NLGN1: variants seen among roughly 807,000 people sequenced by gnomAD.
The protein encoded by NLGN1 is neuroligin-1.
Under a neutral mutation model 65.5 loss-of-function variants are expected in NLGN1, and 12 were observed. That is an observed-to-expected ratio of 0.18 (90% CI 0.12 to 0.30). The LOEUF is 0.30. NLGN1 is among the 10% of genes least tolerant of loss of function. The pLI, the probability that NLGN1 is intolerant of heterozygous loss-of-function variation, is 1.00. For synonymous variants in NLGN1, 350 were observed against 359.5 expected (o/e 0.97, Z 0.30); for missense variants, 750 against 1,007.1 (o/e 0.74, Z 3.46).
chr3:173,762,243 G>A (rs1462209530), intron 3 of NLGN1, among the ~76,000 whole-genome samples: 2 of 152,166 alleles, frequency 1.3e-5, no homozygotes, highest in African/African-American at 2.4e-5. Flanking sequence ...CATGTTCTCC[G>A]ATATGCAAAC....
At chr3:174,039,451 G>A (rs1731826602) in intron 4 of NLGN1, among the ~76,000 whole-genome samples, 1 of 151,916 alleles carries the variant, frequency 6.6e-6, no homozygotes. Context: ...AGGCCCCAGT[G>A]TGTGAAGTTC....
At chr3:173,969,004 A>AG (rs1715558454) in intron 4 of NLGN1, among the ~76,000 whole-genome samples, 1 of 151,954 alleles carries the variant, frequency 6.6e-6, no homozygotes, top group Non-Finnish European at 1.5e-5. Flanking sequence ...CCCAGCCTAA[A>AG]AACCATCTTT....
At chr3:173,640,894 A>G (rs768190888) in intron 3 of NLGN1, among the ~76,000 whole-genome samples, 4 of 152,212 alleles carry the variant, frequency 2.6e-5, no homozygotes, top group Non-Finnish European at 5.9e-5. Flanking sequence ...TACTTTTGTT[A>G]GAAAGCAAAT....
At chr3:174,276,084 T>C (rs1277408647) in intron 5 of NLGN1, among the ~76,000 whole-genome samples, 2 of 151,912 alleles carry the variant, frequency 1.3e-5, no homozygotes, top group African/African-American at 2.4e-5. Context: ...GGTAGAGCTT[T>C]TGATTAAAAA....
intron 2 of NLGN1, among the ~76,000 whole-genome samples, chr3:173,460,467 TC>T (rs1723196979): frequency 6.6e-6 from 1 of 152,126 alleles, no homozygotes; most frequent in South Asian, 2.1e-4. Flanking sequence ...CCATAATAGT[TC>T]AACCAGCTAA....
intron 4 of NLGN1, among the ~76,000 whole-genome samples, chr3:174,029,857 A>C (rs1289212826): frequency 6.6e-6 from 1 of 152,148 alleles, no homozygotes; most frequent in Non-Finnish European, 1.5e-5. Flanking sequence ...CCAGCATGTA[A>C]GATGTGACTT....
intron 4 of NLGN1, among the ~76,000 whole-genome samples, chr3:174,183,636 G>T (rs1469874497): frequency 6.6e-6 from 1 of 152,120 alleles, no homozygotes; most frequent in East Asian, 1.9e-4. Flanking sequence ...ACACTGCAAT[G>T]AGGAAAATAG....
chr3:173,917,812 G>T (rs1274406257), intron 4 of NLGN1, among the ~76,000 whole-genome samples: 1 of 148,614 alleles, frequency 6.7e-6, no homozygotes, highest in African/African-American at 2.6e-5. Flanking sequence ...AACTTAGGAA[G>T]GGCGCTCTGA....
intron 4 of NLGN1, among the ~76,000 whole-genome samples, chr3:173,837,432 G>T (rs1168323719): frequency 6.6e-6 from 1 of 152,082 alleles, no homozygotes; most frequent in Non-Finnish European, 1.5e-5. Flanking sequence ...ACAAGGCTTT[G>T]TTCTTTATGA....
chr3:173,854,730 G>T (rs1017350333), intron 4 of NLGN1, among the ~76,000 whole-genome samples: 4 of 152,002 alleles, frequency 2.6e-5, no homozygotes, highest in African/African-American at 9.7e-5. Flanking sequence ...CAGTATTGGG[G>T]ATTGACATCT....
chr3:174,183,963 T>C (rs1730934731), intron 4 of NLGN1, among the ~76,000 whole-genome samples: 1 of 152,112 alleles, frequency 6.6e-6, no homozygotes, highest in African/African-American at 2.4e-5. Context: ...TATTTTTCAG[T>C]TGAAAGCAAA....
At chr3:173,719,758 CT>C (rs1438299542) in intron 3 of NLGN1, among the ~76,000 whole-genome samples, 3 of 152,136 alleles carry the variant, frequency 2.0e-5, no homozygotes, top group Non-Finnish European at 1.5e-5. Context: ...ACATATTTTT[CT>C]TTCTACAGTC....
At chr3:173,541,918 G>A (rs1738941289) in intron 2 of NLGN1, among the ~76,000 whole-genome samples, 1 of 151,640 alleles carries the variant, frequency 6.6e-6, no homozygotes, top group Non-Finnish European at 1.5e-5. Context: ...CTTTTTGCTG[G>A]GCATTTGATG....
In NLGN1 at chr3:174,093,048, A is replaced by G. The variant is rs139803041; in HGVS notation, c.647-182267A>G. On this transcript the variant is annotated intron_variant, in intron 4 of 6. Coordinates refer to ENST00000457714, the Ensembl canonical transcript of NLGN1. The stretch of plus-strand genomic sequence containing the variant: ...TACCTAACAACAGTGAATGCAAAGA[A>G]TAAATCAAACTCTCGGGTCACTTTA... 5.6e-3 allele frequency among the ~76,000 whole-genome samples: 847 copies of G among 152,348 alleles called. 12 individuals carry two copies. Among genetic ancestry groups the G allele is most frequent in the African/African-American group, 0.02 (818 of 41,582 alleles).
intron 4 of NLGN1, among the ~76,000 whole-genome samples, chr3:174,131,841 G>A (rs1393797202): frequency 2.0e-5 from 3 of 152,160 alleles, no homozygotes; most frequent in Non-Finnish European, 4.4e-5. Context: ...TAGAAAGGTT[G>A]TATTGATTTC....
chr3:174,289,547 A>C (rs1408130797), downstream of NLGN1, among the ~76,000 whole-genome samples: 1 of 151,268 alleles, frequency 6.6e-6, no homozygotes. Flanking sequence ...TAATTACTCT[A>C]AACTTTCTAT....
At chr3:174,271,676 C>T (rs2152878636) in intron 4 of NLGN1, among the ~76,000 whole-genome samples, 1 of 151,900 alleles carries the variant, frequency 6.6e-6, no homozygotes, top group African/African-American at 2.4e-5. Context: ...CAAGCTAAGC[C>T]TGCTCAGTAG....
intron 4 of NLGN1, among the ~76,000 whole-genome samples, chr3:173,835,745 C>A (rs1398541318): frequency 6.6e-6 from 1 of 151,700 alleles, no homozygotes; most frequent in Non-Finnish European, 1.5e-5. Flanking sequence ...ATAAATGTTT[C>A]CTTAATCCAA....
intron 4 of NLGN1, among the ~76,000 whole-genome samples, chr3:174,045,322 A>G (rs1392031178): frequency 6.6e-6 from 1 of 152,062 alleles, no homozygotes; most frequent in African/African-American, 2.4e-5. Flanking sequence ...GAAAGCAAAC[A>G]TGTCCTTCTT....
Sources: gnomAD v4.1 joint callset for allele counts (sites outside exome capture counted in the v4.1 genomes callset) on GRCh38, gnomAD v4.1.1 for gene constraint, MANE v1.5 for transcripts, NCBI Gene and HGNC (gene_info 2026-07-23, HGNC 2026-07-21) for gene names.